EYS: variants seen among roughly 807,000 people sequenced by gnomAD.
EYS encodes EGF-like photoreceptor maintenance factor, also known as protein eyes shut homolog.
EYS carries 250 observed loss-of-function variants against 282.1 expected under a neutral mutation model. The observed-to-expected ratio is 0.89, with a 90% CI of 0.80 to 0.98. The LOEUF is 0.98. Ranked by LOEUF, EYS falls within the 50% of genes least tolerant of loss-of-function variation. EYS has a pLI of 0.00. For missense variants in EYS, 4,016 were observed against 3,709.0 expected (o/e 1.08, Z -2.15); for synonymous variants, 1,355 against 1,282.9 (o/e 1.06, Z -1.20).
chr6:63,784,004 G>T (rs1770303422), intron 39 of EYS, among the ~76,000 whole-genome samples: 1 of 152,110 alleles, frequency 6.6e-6, no homozygotes, highest in South Asian at 2.1e-4. Flanking sequence ...CAAAAAAGAG[G>T]GAATTCTTCC....
rs536180272 is a variant in EYS at position 64,376,831 on chromosome 6, T to A, written c.6078+11859A>T. On this transcript the variant is annotated intron_variant, in intron 29 of 42. Transcript: ENST00000503581. ...GAATTTATCATCTTTTCTCATTGAC[T>A]TGCTTCCTTTCCTATATTTTCTATC... 2.0e-5 allele frequency among the ~76,000 whole-genome samples: 3 copies of A among 152,284 alleles called. No homozygotes were observed. In the South Asian group the frequency reaches 6.2e-4, roughly 32 times the overall value.
chr6:64,571,916 A>T (rs1300305525), intron 26 of EYS, among the ~76,000 whole-genome samples: 2 of 152,162 alleles, frequency 1.3e-5, no homozygotes, highest in East Asian at 3.9e-4. Context: ...CTCCTCCCTA[A>T]CTCATATTAT....
chr6:64,243,295 A>G (rs954735009), intron 30 of EYS, among the ~76,000 whole-genome samples: 6 of 152,132 alleles, frequency 3.9e-5, no homozygotes, highest in African/African-American at 1.2e-4. Flanking sequence ...TTTAAGTGGA[A>G]TTGTGTTAGT....
intron 29 of EYS, among the ~76,000 whole-genome samples, chr6:64,345,125 C>T (rs1466234713): frequency 4.6e-5 from 7 of 152,024 alleles, no homozygotes; most frequent in Non-Finnish European, 8.8e-5. Flanking sequence ...CCATACTGCC[C>T]AAAGTAATTT....
chr6:64,218,534 G>A (rs1243834283), intron 31 of EYS, among the ~76,000 whole-genome samples: 1 of 152,004 alleles, frequency 6.6e-6, no homozygotes, highest in Non-Finnish European at 1.5e-5. Context: ...CATTTCTCTG[G>A]CTCTACTTGA....
intron 22 of EYS, among the ~76,000 whole-genome samples, chr6:64,629,379 T>A (rs960508792): frequency 1.3e-5 from 2 of 152,040 alleles, no homozygotes; most frequent in Non-Finnish European, 2.9e-5. Flanking sequence ...ATATAAATAA[T>A]TTGAAATAAT....
intron 22 of EYS, among the ~76,000 whole-genome samples, chr6:64,745,339 A>G (rs1223209474): frequency 1.3e-5 from 2 of 152,172 alleles, no homozygotes; most frequent in Admixed American, 1.3e-4. Context: ...TTAGTAGGTG[A>G]ATAGTGAATT....
chr6:63,965,253 C>A (rs1349290297), intron 35 of EYS, among the ~76,000 whole-genome samples: 3 of 152,130 alleles, frequency 2.0e-5, no homozygotes, highest in Admixed American at 1.3e-4. Context: ...TATCGATAAG[C>A]TTTGTTCCTC....
chr6:64,358,854 CT>C (rs1771916864), intron 29 of EYS, among the ~76,000 whole-genome samples: 1 of 151,656 alleles, frequency 6.6e-6, no homozygotes, highest in South Asian at 2.1e-4. Flanking sequence ...CAAATACTAA[CT>C]GAGAAGTTGC....
At chr6:65,664,264 C>A (rs1445123326) in intron 1 of EYS, among the ~76,000 whole-genome samples, 1 of 152,090 alleles carries the variant, frequency 6.6e-6, no homozygotes, top group Non-Finnish European at 1.5e-5. Context: ...CGTTCAGTCT[C>A]AAATGGTATG....
At chr6:65,426,669 G>A (rs1293364902) in intron 5 of EYS, among the ~76,000 whole-genome samples, 2 of 152,034 alleles carry the variant, frequency 1.3e-5, no homozygotes, top group Non-Finnish European at 2.9e-5. Context: ...GAGATAATAT[G>A]ATGAATAAAT....
At chr6:65,283,471 T>C (rs1768277913) in intron 12 of EYS, among the ~76,000 whole-genome samples, 2 of 152,052 alleles carry the variant, frequency 1.3e-5, no homozygotes, top group South Asian at 2.1e-4. Context: ...TCGTGACTAT[T>C]TGTTAATAAC....
chr6:63,792,360 T>C (rs574587803), intron 37 of EYS, among the ~76,000 whole-genome samples: 1 of 152,104 alleles, frequency 6.6e-6, no homozygotes, highest in East Asian at 1.9e-4. Flanking sequence ...ATGGAGTAGA[T>C]AAGAGGAAGA....
At chr6:64,676,700 C>G (rs959451440) in intron 22 of EYS, among the ~76,000 whole-genome samples, 2 of 152,000 alleles carry the variant, frequency 1.3e-5, no homozygotes, top group African/African-American at 4.8e-5. Flanking sequence ...GATCTGGAGA[C>G]AGGGAAGTCT....
intron 31 of EYS, among the ~76,000 whole-genome samples, chr6:64,091,375 C>G (rs986426362): frequency 3.3e-5 from 5 of 152,156 alleles, no homozygotes; most frequent in African/African-American, 9.7e-5. Flanking sequence ...CCCTCACCCC[C>G]AGATTAACCT....
chr6:64,828,275 T>A (rs9360084), intron 19 of EYS, among the ~76,000 whole-genome samples: 7 of 151,502 alleles, frequency 4.6e-5, no homozygotes, highest in Non-Finnish European at 7.4e-5. Context: ...AATATCAAAG[T>A]TTCTAACTGA....
chr6:64,534,224 G>GA (rs1764445176), intron 26 of EYS, among the ~76,000 whole-genome samples: 1 of 151,790 alleles, frequency 6.6e-6, no homozygotes, highest in Non-Finnish European at 1.5e-5. Context: ...AATTTAGCAT[G>GA]ATGACCATAT....
At chr6:64,644,431 TAGG>T (rs1411759294) in intron 22 of EYS, among the ~76,000 whole-genome samples, 1 of 152,138 alleles carries the variant, frequency 6.6e-6, no homozygotes, top group Non-Finnish European at 1.5e-5. Context: ...GGAATTAAGA[TAGG>T]AGATTATTTC....
intron 31 of EYS, among the ~76,000 whole-genome samples, chr6:64,137,190 C>T (rs956619845): frequency 3.9e-5 from 6 of 152,146 alleles, no homozygotes; most frequent in African/African-American, 1.4e-4. Context: ...GCAGCTTCCT[C>T]GCCTCTTTCA....
Sources: gnomAD v4.1 joint callset for allele counts (sites outside exome capture counted in the v4.1 genomes callset) on GRCh38, gnomAD v4.1.1 for gene constraint, MANE v1.5 for transcripts, NCBI Gene and HGNC (gene_info 2026-07-23, HGNC 2026-07-21) for gene names.